SIDT1: variants seen among roughly 807,000 people sequenced by gnomAD.
SIDT1 encodes the protein SID1 transmembrane family member 1.
A neutral mutation model predicts 107.5 loss-of-function variants in SIDT1; 101 were observed. The observed-to-expected ratio is 0.94, with a 90% CI of 0.80 to 1.11. SIDT1 has a LOEUF of 1.11. SIDT1 is among the 50% of genes least tolerant of loss of function. SIDT1 has a pLI of 0.00. For missense variants in SIDT1, 1,076 were observed against 1,058.2 expected (o/e 1.02, Z -0.23); for synonymous variants, 395 against 398.2 (o/e 0.99, Z 0.10).
chr3:113,631,712 T>G (rs867968402), downstream of SIDT1, among the ~76,000 whole-genome samples: 1 of 152,002 alleles, frequency 6.6e-6, no homozygotes, highest in Middle Eastern at 3.4e-3. Context: ...AGCAAGAGAG[T>G]TTCACTTGGG....
intron 10 of SIDT1, among the ~76,000 whole-genome samples, chr3:113,597,263 G>A (rs112615471): frequency 1.4e-4 from 21 of 152,128 alleles, no homozygotes; most frequent in Admixed American, 1.3e-3. Flanking sequence ...TTGGGAGGCC[G>A]AGGCGGGTGG....
At chr3:113,536,297 C>T (rs922780600) in intron 1 of SIDT1, among the ~76,000 whole-genome samples, 1 of 152,146 alleles carries the variant, frequency 6.6e-6, no homozygotes, top group Non-Finnish European at 1.5e-5. Context: ...GATGTATGAC[C>T]CCAGACCTAC....
At chr3:113,573,688 G>A (rs930180399) in intron 3 of SIDT1, among the ~76,000 whole-genome samples, 1 of 152,110 alleles carries the variant, frequency 6.6e-6, no homozygotes, top group Non-Finnish European at 1.5e-5. Context: ...CTTTATGAAA[G>A]AGTCCCCAGA....
intron 1 of SIDT1, among the ~76,000 whole-genome samples, chr3:113,565,546 G>C (rs1025342709): frequency 6.6e-6 from 1 of 152,080 alleles, no homozygotes; most frequent in African/African-American, 2.4e-5. Context: ...AAAAAAGAGA[G>C]AGAGGAAGAA....
At chr3:113,610,187 T>A (rs1473217980) in intron 17 of SIDT1, among the ~76,000 whole-genome samples, 1 of 152,252 alleles carries the variant, frequency 6.6e-6, no homozygotes, top group Non-Finnish European at 1.5e-5. Flanking sequence ...TTTGCTATTA[T>A]AGATAACACT....
chr3:113,545,065 A>G (rs1247634571), intron 1 of SIDT1, among the ~76,000 whole-genome samples: 2 of 138,482 alleles, frequency 1.4e-5, no homozygotes, highest in Non-Finnish European at 3.1e-5. Flanking sequence ...CAGTGAGCTG[A>G]TATTGCGCCA....
At chr3:113,596,621 A>T (rs1944570604) in intron 10 of SIDT1, among the ~76,000 whole-genome samples, 1 of 152,166 alleles carries the variant, frequency 6.6e-6, no homozygotes, top group Non-Finnish European at 1.5e-5. Context: ...CATCTGTGAG[A>T]ATCTGAGAGG....
intron 1 of SIDT1, among the ~76,000 whole-genome samples, chr3:113,560,866 T>C (rs941467966): frequency 3.3e-5 from 5 of 152,218 alleles, no homozygotes; most frequent in Non-Finnish European, 7.3e-5. Flanking sequence ...TGCTGAAAGA[T>C]TGAAAAGAGA....
At chr3:113,619,163 C>T (rs913060798) in intron 20 of SIDT1, among the ~76,000 whole-genome samples, 1 of 152,142 alleles carries the variant, frequency 6.6e-6, no homozygotes, top group Non-Finnish European at 1.5e-5. Flanking sequence ...CCTATTTTCT[C>T]CCCTACAAGA....
Position 113,569,298 on chromosome 3 carries a change from A to T in SIDT1, c.515+1588A>T, listed in dbSNP as rs1942234012. On this transcript the variant is annotated intron_variant, in intron 3 of 24. Coordinates refer to ENST00000264852, the MANE Select transcript of SIDT1 (RefSeq NM_017699.3). Reference sequence around the variant, plus strand: ...GAGAAGTACATGGCTATGTTTGACGATAATTTATTCAAATATATGCTTATA... The same window carrying T: ...GAGAAGTACATGGCTATGTTTGACGTTAATTTATTCAAATATATGCTTATA... Among the ~76,000 whole-genome samples the T allele has an allele frequency of 2.0e-5, 3 of 152,324 alleles. No homozygotes were observed. The South Asian group carries it at 6.2e-4, about 32-fold the overall frequency.
At chr3:113,602,470 A>G (rs553371432) in intron 11 of SIDT1, 1 of 152,268 alleles carries the variant, frequency 6.6e-6, no homozygotes, top group African/African-American at 2.4e-5. Flanking sequence ...ATAAATCTCC[A>G]TCTGCTCTGG....
At chr3:113,630,652 C>T (rs1947084738), downstream of SIDT1, among the ~76,000 whole-genome samples, 1 of 152,204 alleles carries the variant, frequency 6.6e-6, no homozygotes, top group Admixed American at 6.5e-5. Flanking sequence ...AGGAACAGTA[C>T]AATCTGCGGA....
At chr3:113,626,361 T>C in intron 24 of SIDT1, 146 bp downstream of exon 24, 1 of 572,930 alleles carries the variant, frequency 1.7e-6, no homozygotes, top group East Asian at 3.0e-5. Context: ...CAGACCATCT[T>C]ATTTCTTTCA....
chr3:113,625,103 A>C (rs1198608880), intron 23 of SIDT1, among the ~76,000 whole-genome samples: 1 of 141,134 alleles, frequency 7.1e-6, no homozygotes, highest in African/African-American at 2.7e-5. Flanking sequence ...GAATTGCTGG[A>C]TCATATGGTA....
At chr3:113,592,641 G>T in intron 9 of SIDT1, 1 of 188,972 alleles carries the variant, frequency 5.3e-6, no homozygotes, top group Non-Finnish European at 1.1e-5. Context: ...GTCGCCCAAT[G>T]CAGTGGCATG....
intron 1 of SIDT1, among the ~76,000 whole-genome samples, chr3:113,545,011 A>G (rs1027731173): frequency 4.0e-5 from 6 of 148,660 alleles, no homozygotes; most frequent in Non-Finnish European, 8.9e-5. Flanking sequence ...GCTACTCAGG[A>G]GGCTGAGGCA....
At chr3:113,560,400 C>T (rs1235266846) in intron 1 of SIDT1, among the ~76,000 whole-genome samples, 1 of 152,204 alleles carries the variant, frequency 6.6e-6, no homozygotes, top group African/African-American at 2.4e-5. Context: ...TTGCGAGCCT[C>T]CTCGAGGGCA....
At chr3:113,611,467 G>A (rs1945737112) in intron 18 of SIDT1, among the ~76,000 whole-genome samples, 1 of 152,100 alleles carries the variant, frequency 6.6e-6, no homozygotes, top group Non-Finnish European at 1.5e-5. Flanking sequence ...GAGTAGCTGG[G>A]ACTACAGGCG....
chr3:113,559,492 A>T (rs1409829700), intron 1 of SIDT1, among the ~76,000 whole-genome samples: 5 of 150,622 alleles, frequency 3.3e-5, no homozygotes, highest in Non-Finnish European at 5.9e-5. Flanking sequence ...CCCAGGCTGC[A>T]GTGTAGTGGC....
Sources: allele counts gnomAD v4.1 joint callset (sites outside exome capture counted in the v4.1 genomes callset), GRCh38; gene constraint gnomAD v4.1.1; transcripts MANE v1.5; gene names NCBI Gene and HGNC (gene_info 2026-07-23, HGNC 2026-07-21).